MCTP1: variants seen among roughly 807,000 people sequenced by gnomAD.
MCTP1 encodes multiple C2 and transmembrane domain containing 1, also known as multiple C2 and transmembrane domain-containing protein 1.
In MCTP1, 69 loss-of-function variants were observed where a neutral mutation model predicts 120.6. The ratio of observed to expected loss-of-function variants is 0.57; its 90% confidence interval spans 0.47 to 0.70. MCTP1 has a LOEUF of 0.70. MCTP1 is among the 30% of genes least tolerant of loss of function. The pLI, the probability that MCTP1 is intolerant of heterozygous loss-of-function variation, is 0.00. For synonymous variants in MCTP1, 529 were observed against 493.1 expected, an observed-to-expected ratio of 1.07 and a Z score of -0.96; for missense variants, 1,203 against 1,248.8, an observed-to-expected ratio of 0.96 and a Z score of 0.55.
chr5:94,717,812 A>AG (rs1300401590), intron 19 of MCTP1, among the ~76,000 whole-genome samples: 1 of 152,214 alleles, frequency 6.6e-6, no homozygotes, highest in African/African-American at 2.4e-5. Flanking sequence ...ACAGGTAACA[A>AG]GGGAAGGGAA....
chr5:95,210,908 G>C (rs1439769547), intron 1 of MCTP1, among the ~76,000 whole-genome samples: 3 of 151,960 alleles, frequency 2.0e-5, no homozygotes, highest in Non-Finnish European at 4.4e-5. Flanking sequence ...TGTGTGTAAA[G>C]GATTTTATTT....
chr5:94,920,777 ATAAATAAATAAT>A (rs1331499661), intron 7 of MCTP1, among the ~76,000 whole-genome samples: 13 of 150,888 alleles, frequency 8.6e-5, no homozygotes, highest in African/African-American at 3.2e-4. Context: ...AAATAAATAA[ATAAATAAATAAT>A]AAAAAGTCAA....
chr5:94,780,054 T>TA (rs1292410838), intron 18 of MCTP1, among the ~76,000 whole-genome samples: 1 of 152,108 alleles, frequency 6.6e-6, no homozygotes, highest in Non-Finnish European at 1.5e-5. Context: ...ACCTACAGTT[T>TA]AAAAAACTGT....
chr5:94,883,732 T>G (rs554052810), intron 12 of MCTP1, among the ~76,000 whole-genome samples: 1 of 152,206 alleles, frequency 6.6e-6, no homozygotes, highest in African/African-American at 2.4e-5. Flanking sequence ...TAAAGGCACA[T>G]GCTATTAATT....
At chr5:95,197,646 C>CAT (rs1188749562) in intron 1 of MCTP1, among the ~76,000 whole-genome samples, 1 of 152,030 alleles carries the variant, frequency 6.6e-6, no homozygotes, top group Non-Finnish European at 1.5e-5. Flanking sequence ...CACCAAATCA[C>CAT]ATATATATAC....
At chr5:95,038,914 C>T (rs1841833794) in intron 1 of MCTP1, among the ~76,000 whole-genome samples, 2 of 152,162 alleles carry the variant, frequency 1.3e-5, no homozygotes, top group Admixed American at 6.5e-5. Context: ...CTTCGACCCT[C>T]AATTCCTCAT....
At chr5:94,943,170 T>C (rs1049372182) in intron 3 of MCTP1, among the ~76,000 whole-genome samples, 10 of 152,064 alleles carry the variant, frequency 6.6e-5, no homozygotes, top group Non-Finnish European at 1.3e-4. Context: ...ATAAGTGCTA[T>C]GGAGCAAATA....
chr5:94,797,814 T>G (rs1203239524), intron 18 of MCTP1, among the ~76,000 whole-genome samples: 1 of 152,132 alleles, frequency 6.6e-6, no homozygotes, highest in Non-Finnish European at 1.5e-5. Flanking sequence ...ATATGGTGCA[T>G]TGTTGGCAAC....
chr5:95,249,033 A>G (rs985304575), intron 1 of MCTP1, among the ~76,000 whole-genome samples: 11 of 152,214 alleles, frequency 7.2e-5, no homozygotes, highest in African/African-American at 2.7e-4. Flanking sequence ...AAAGACTTAA[A>G]TGTAAGACCT....
At chr5:94,847,027 C>T (rs1315055338) in intron 17 of MCTP1, among the ~76,000 whole-genome samples, 1 of 152,174 alleles carries the variant, frequency 6.6e-6, no homozygotes, top group African/African-American at 2.4e-5. Context: ...GATTTCTGTG[C>T]TCCTAAGAGC....
At chr5:95,095,960 G>A (rs762926351) in intron 1 of MCTP1, among the ~76,000 whole-genome samples, 7 of 152,164 alleles carry the variant, frequency 4.6e-5, no homozygotes, top group Non-Finnish European at 8.8e-5. Context: ...GACCTCCAAG[G>A]AGATGGCTGG....
In MCTP1 at chr5:94,870,868, T is replaced by C; in HGVS notation, c.2241+4A>G. ...AGTACAAAAAAGCCAAAGTTAAGACTTACAGCATTAAAAATCACATCTATT... is the reference window on the plus strand; with the variant it reads ...AGTACAAAAAAGCCAAAGTTAAGACCTACAGCATTAAAAATCACATCTATT... On this transcript the variant is annotated splice_donor_region_variant and intron_variant, in intron 15 of 22. Transcript: ENST00000515393. 6.2e-7 allele frequency: 1 copy of C among 1,602,194 alleles called. No homozygotes were observed. Among genetic ancestry groups the C allele is most frequent in the Non-Finnish European group, 8.6e-7 (1 of 1,169,426 alleles).
chr5:94,725,539 T>A (rs746275984), intron 19 of MCTP1, among the ~76,000 whole-genome samples: 1 of 152,254 alleles, frequency 6.6e-6, no homozygotes. Flanking sequence ...AAAAAACTTC[T>A]TTTGAAATTG....
At chr5:94,972,782 T>C (rs914856435) in intron 2 of MCTP1, among the ~76,000 whole-genome samples, 4 of 152,166 alleles carry the variant, frequency 2.6e-5, no homozygotes, top group African/African-American at 7.2e-5. Flanking sequence ...ATGATTCATA[T>C]GACTTCACAG....
intron 16 of MCTP1, among the ~76,000 whole-genome samples, 192 bp downstream of exon 16, chr5:94,870,225 G>A (rs776297858): frequency 7.2e-5 from 11 of 151,908 alleles, no homozygotes; most frequent in Non-Finnish European, 1.0e-4. Context: ...TATTGTCCTC[G>A]TTTGATCTTT....
chr5:95,068,744 A>T, intron 1 of MCTP1: 1 of 1,211,350 alleles, frequency 8.3e-7, no homozygotes, highest in East Asian at 6.0e-5. Context: ...TTAAACACCG[A>T]GCTAACACAC....
At chr5:94,825,772 C>G (rs540213479) in intron 17 of MCTP1, among the ~76,000 whole-genome samples, 5 of 150,708 alleles carry the variant, frequency 3.3e-5, no homozygotes, top group Admixed American at 1.3e-4. Flanking sequence ...TACATATATA[C>G]ACACACACAC....
At position 94,994,410 on chromosome 5, in the gene MCTP1, A is replaced by G. The variant is rs542187552; in HGVS notation, c.838+22957T>C. On this transcript the variant is annotated intron_variant, in intron 2 of 22. Transcript: ENST00000515393. ...TAGAGTGTGATCAAAACTCTTAGGA[A>G]AATAGCCTACGGTGAGTAAATAATC... Among the ~76,000 whole-genome samples, 3 of 152,316 alleles carry G rather than the reference A, an allele frequency of 2.0e-5. No homozygotes were observed. In the East Asian group the frequency reaches 5.8e-4, roughly 29 times the overall value.
chr5:95,168,604 G>C (rs1746767990), intron 1 of MCTP1, among the ~76,000 whole-genome samples: 1 of 152,172 alleles, frequency 6.6e-6, no homozygotes, highest in Non-Finnish European at 1.5e-5. Flanking sequence ...TCTCCTTGAA[G>C]AGGTCCTTCA....
Sources: gnomAD v4.1 joint callset for allele counts (sites outside exome capture counted in the v4.1 genomes callset) on GRCh38, gnomAD v4.1.1 for gene constraint, MANE v1.5 for transcripts, NCBI Gene and HGNC (gene_info 2026-07-23, HGNC 2026-07-21) for gene names.